The following MAST4 variants were observed in gnomAD, a reference collection of about 807,000 sequenced individuals.
MAST4 encodes the protein microtubule associated serine/threonine kinase family member 4, also known as microtubule-associated serine/threonine-protein kinase 4.
In MAST4, 89 loss-of-function variants were observed where a neutral mutation model predicts 162.7. The ratio of observed to expected loss-of-function variants is 0.55; its 90% CI spans 0.46 to 0.65. The LOEUF (loss-of-function observed/expected upper bound fraction) is 0.65, where lower values mean the gene tolerates loss of function less well. Among genes scored for constraint, MAST4 ranks in the 30% least tolerant of loss-of-function variants. The probability of loss-of-function intolerance (pLI) is 0.00; values close to 1 mark genes in which losing one functional copy is unlikely to be tolerated. For synonymous variants in MAST4, 1,479 were observed against 1,361.1 expected (o/e 1.09, Z -1.91); for missense variants, 3,153 against 3,374.0 (o/e 0.93, Z 1.62).
intron 1 of MAST4, among the ~76,000 whole-genome samples, chr5:66,651,476 T>G (rs796852424): frequency 3.3e-5 from 5 of 152,244 alleles, no homozygotes; most frequent in African/African-American, 7.2e-5. Context: ...AAAATTCCTT[T>G]TTTGATAGTT....
chr5:67,027,131 G>C (rs1056403503), intron 4 of MAST4, among the ~76,000 whole-genome samples: 4 of 152,214 alleles, frequency 2.6e-5, no homozygotes, highest in Middle Eastern at 3.4e-3. Context: ...CATTTTTAAT[G>C]ATACAATTCA....
intron 3 of MAST4, chr5:66,870,831 A>G: frequency 2.1e-6 from 1 of 471,542 alleles, no homozygotes; most frequent in Non-Finnish European, 4.4e-6. Flanking sequence ...GCCAGAGACT[A>G]GTGGACCCAG....
chr5:66,967,776 A>G (rs1280849102), intron 4 of MAST4, among the ~76,000 whole-genome samples: 2 of 151,982 alleles, frequency 1.3e-5, no homozygotes, highest in East Asian at 1.9e-4. Flanking sequence ...ATATATATAT[A>G]TATATGGCCC....
At chr5:67,024,945 T>C (rs1754460335) in intron 4 of MAST4, among the ~76,000 whole-genome samples, 1 of 152,126 alleles carries the variant, frequency 6.6e-6, no homozygotes, top group African/African-American at 2.4e-5. Context: ...CCCACGAATA[T>C]GTACAATTAT....
At chr5:67,145,530 C>T (rs529423823) in intron 23 of MAST4, among the ~76,000 whole-genome samples, 151 bp downstream of exon 23, 4 of 152,308 alleles carry the variant, frequency 2.6e-5, no homozygotes, top group Non-Finnish European at 4.4e-5. Context: ...GCTTGGGACA[C>T]GATCTTCTGA....
At chr5:67,110,891 G>T (rs1274855790) in intron 11 of MAST4, among the ~76,000 whole-genome samples, 1 of 152,152 alleles carries the variant, frequency 6.6e-6, no homozygotes, top group African/African-American at 2.4e-5. Context: ...AGGTGTGGTG[G>T]TGCACGCCTG....
rs962830850 is a variant in MAST4 at position 67,114,310 on chromosome 5, A to G, written c.1591+91A>G. ...AAGTGGCAAGTCTTTATTTTTCCTC[A>G]TGTTTTGGCTCTATCTATTGATAAG... is the stretch of plus-strand genomic sequence containing the variant. On this transcript the variant is annotated intron_variant, in intron 12 of 28. Transcript: ENST00000403625. 5.5e-6 allele frequency: 8 copies of G among 1,453,900 alleles called. No individual in the cohort carries two copies. The South Asian group carries it at 7.8e-5, about 14-fold the overall frequency. 90.1% of individuals were successfully genotyped at this position (1,453,900 alleles called of 1,614,324 possible).
intron 3 of MAST4, among the ~76,000 whole-genome samples, chr5:66,882,399 T>C (rs1177963331): frequency 6.6e-6 from 1 of 152,192 alleles, no homozygotes; most frequent in Non-Finnish European, 1.5e-5. Flanking sequence ...CCCACAGATC[T>C]TAGGCGTTCT....
chr5:66,837,809 A>C (rs1273503951), intron 3 of MAST4, among the ~76,000 whole-genome samples: 32 of 147,216 alleles, frequency 2.2e-4, no homozygotes, highest in Non-Finnish European at 4.0e-4. Flanking sequence ...CAGCCTTTAA[A>C]ATGTATGTCA....
At chr5:66,877,698 A>G (rs974751094) in intron 3 of MAST4, among the ~76,000 whole-genome samples, 2 of 152,196 alleles carry the variant, frequency 1.3e-5, no homozygotes, top group South Asian at 2.1e-4. Flanking sequence ...TCTTATTGAA[A>G]TATAATATGG....
chr5:67,159,608 A>G (rs1251289978), intron 26 of MAST4, among the ~76,000 whole-genome samples: 2 of 152,166 alleles, frequency 1.3e-5, no homozygotes, highest in African/African-American at 2.4e-5. Context: ...TGACCTTGAA[A>G]GGACAGGTTT....
intron 4 of MAST4, among the ~76,000 whole-genome samples, chr5:66,940,270 C>T (rs112535810): frequency 0.074 from 11,179 of 152,026 alleles, 1,292 homozygotes; most frequent in African/African-American, 0.25. Flanking sequence ...CTGAAGGTTG[C>T]GGTGACTGTG....
Position 67,130,296 on chromosome 5 carries a change from A to G in MAST4, c.1832A>G (p.Gln611Arg). 6.2e-7 allele frequency: 1 copy of G among 1,613,906 alleles called. No individual in the cohort carries two copies. Among genetic ancestry groups the G allele is most frequent in the Non-Finnish European group, 8.5e-7 (1 of 1,179,842 alleles). The part of the protein sequence containing the change: ...INKQNLILRN[Q>R]IQQAFVERDI... The stretch of plus-strand genomic sequence containing the variant: ...AAACAGAACCTCATCCTTCGAAACC[A>G]GATCCAGCAGGCCTTTGTGGAGCGG... The change falls in exon 15 of 29, where the codon CAG becomes CGG. Residue 611 changes from glutamine to arginine, a missense_variant. This residue lies in a region of MAST4 where 131 missense variants were observed against 253.8 expected (regional missense o/e 0.52). Coordinates refer to ENST00000403625, the MANE Select transcript of MAST4 (RefSeq NM_001164664.2).
At chr5:66,806,631 T>C (rs1756200732) in intron 3 of MAST4, among the ~76,000 whole-genome samples, 1 of 152,256 alleles carries the variant, frequency 6.6e-6, no homozygotes. Context: ...CATTCTTTAT[T>C]GAATATTTTC....
intron 4 of MAST4, among the ~76,000 whole-genome samples, chr5:66,943,788 G>A (rs758992240): frequency 4.6e-5 from 7 of 152,088 alleles, no homozygotes; most frequent in Non-Finnish European, 1.0e-4. Context: ...GTTCTGAAAG[G>A]TTTTGAGGCT....
chr5:67,158,722 CTG>C (rs1772840138), intron 26 of MAST4, among the ~76,000 whole-genome samples: 3 of 152,160 alleles, frequency 2.0e-5, no homozygotes, highest in Non-Finnish European at 4.4e-5. Flanking sequence ...CAACATCAAA[CTG>C]TGTAAGAATT....
chr5:66,676,224 A>G (rs552878935), intron 1 of MAST4, among the ~76,000 whole-genome samples: 1 of 152,356 alleles, frequency 6.6e-6, no homozygotes, highest in African/African-American at 2.4e-5. Context: ...AAGGAAGCAC[A>G]GGTGGTGTGT....
At position 66,662,075 on chromosome 5, in the gene MAST4, C is replaced by CT. The variant is rs34694800; in HGVS notation, c.363+65068dup. ...CAGTATTCAGTGTACTAGTTAATCC[C>CT]TTTTTTTTTTTAATGAGCACTTATT... is the stretch of plus-strand genomic sequence containing the variant. On this transcript the variant is annotated intron_variant, in intron 1 of 28. Transcript: ENST00000403625. Among the ~76,000 whole-genome samples, 620 of 144,348 alleles carry CT rather than the reference C, an allele frequency of 4.3e-3. 1 individual carries two copies. Among genetic ancestry groups the CT allele is most frequent in the Middle Eastern group, 0.011 (3 of 276 alleles). The allele number at this position is 144,348 out of a possible 152,430, so 94.7% of individuals were successfully genotyped here.
At chr5:66,667,825 T>C (rs1200151617) in intron 1 of MAST4, among the ~76,000 whole-genome samples, 1 of 152,218 alleles carries the variant, frequency 6.6e-6, no homozygotes. Context: ...GGTGAAGAAA[T>C]CTGGTATTCA....
Sources: allele counts gnomAD v4.1 joint callset (sites outside exome capture counted in the v4.1 genomes callset), GRCh38; gene constraint gnomAD v4.1.1; regional missense constraint gnomAD v4.1.1; transcripts MANE v1.5; gene names NCBI Gene and HGNC (gene_info 2026-07-23, HGNC 2026-07-21).